ATP2B1: variants seen among roughly 807,000 people sequenced by gnomAD.
ATP2B1 encodes plasma membrane calcium-transporting ATPase 1.
Under a neutral mutation model 124.2 loss-of-function variants are expected in ATP2B1, and 14 were observed. The ratio of observed to expected loss-of-function variants is 0.11; its 90% CI spans 0.07 to 0.18. The LOEUF is 0.18. Among genes scored for constraint, ATP2B1 ranks in the 10% least tolerant of loss-of-function variants. The pLI is 1.00. For synonymous variants in ATP2B1, 449 were observed against 492.4 expected (o/e 0.91, Z 1.17); for missense variants, 763 against 1,466.1 (o/e 0.52, Z 7.83).
intron 12 of ATP2B1, chr12:89,611,642 T>G (rs1878041532): frequency 3.4e-6 from 1 of 292,872 alleles, no homozygotes; most frequent in African/African-American, 2.2e-5. Context: ...ACAGAAGGCT[T>G]TTTAAAGCAC....
At chr12:89,650,680 A>C (rs959633314) in intron 2 of ATP2B1, among the ~76,000 whole-genome samples, 6 of 152,186 alleles carry the variant, frequency 3.9e-5, no homozygotes, top group Admixed American at 1.3e-4. Flanking sequence ...ATTTTTATGA[A>C]TTCATTTATA....
At chr12:89,657,405 C>A (rs1886093296) in intron 1 of ATP2B1, among the ~76,000 whole-genome samples, 1 of 152,204 alleles carries the variant, frequency 6.6e-6, no homozygotes, top group African/African-American at 2.4e-5. Flanking sequence ...TCTAAACCTA[C>A]AAGATGAAAA....
intron 12 of ATP2B1, among the ~76,000 whole-genome samples, chr12:89,613,486 A>C (rs1301227410): frequency 6.6e-6 from 1 of 152,178 alleles, no homozygotes; most frequent in African/African-American, 2.4e-5. Flanking sequence ...CTTAGGTCCT[A>C]GTGCCAGAGT....
chr12:89,652,623 T>C (rs947500203), intron 2 of ATP2B1, among the ~76,000 whole-genome samples: 1 of 152,266 alleles, frequency 6.6e-6, no homozygotes, highest in South Asian at 2.1e-4. Context: ...GTTTCATTTA[T>C]TACCATTTGT....
chr12:89,651,723 C>T (rs757113090), intron 2 of ATP2B1, among the ~76,000 whole-genome samples: 19 of 152,250 alleles, frequency 1.2e-4, no homozygotes, highest in Non-Finnish European at 2.1e-4. Flanking sequence ...AACTCTTTTA[C>T]AAGCTATGTG....
intron 1 of ATP2B1, among the ~76,000 whole-genome samples, chr12:89,695,806 T>C (rs1221721415): frequency 6.6e-6 from 1 of 152,354 alleles, no homozygotes; most frequent in East Asian, 1.9e-4. Flanking sequence ...GATAGTAAAA[T>C]TCTTGTTTCA....
intron 1 of ATP2B1, among the ~76,000 whole-genome samples, chr12:89,678,679 C>A (rs1326748160): frequency 6.6e-6 from 1 of 152,092 alleles, no homozygotes; most frequent in Non-Finnish European, 1.5e-5. Flanking sequence ...CAAGACTTGC[C>A]TTAAGAAGCA....
chr12:89,610,536 T>C (rs1877795783), intron 13 of ATP2B1, 28 bp from the exon 14 acceptor site: 2 of 1,559,574 alleles, frequency 1.3e-6, no homozygotes, highest in African/African-American at 2.7e-5. Context: ...AGTTAAAATA[T>C]GCCCAAACAT....
chr12:89,680,113 A>G (rs1889152749), intron 1 of ATP2B1, among the ~76,000 whole-genome samples: 1 of 152,198 alleles, frequency 6.6e-6, no homozygotes, highest in Admixed American at 6.5e-5. Context: ...CCAAGGAATA[A>G]AAGAAAATAA....
chr12:89,620,750 T>C (rs1025427642), intron 10 of ATP2B1, among the ~76,000 whole-genome samples: 10 of 152,162 alleles, frequency 6.6e-5, no homozygotes, highest in African/African-American at 2.4e-4. Flanking sequence ...AAATACCACT[T>C]TACATAATTA....
intron 14 of ATP2B1, 135 bp from the exon 15 acceptor site, chr12:89,610,178 G>C: frequency 1.1e-6 from 1 of 885,284 alleles, no homozygotes; most frequent in Non-Finnish European, 1.7e-6. Flanking sequence ...AAATTGCTTA[G>C]ATGTTGGGTG....
chr12:89,708,925 C>G (rs1256421857), upstream of ATP2B1: 1 of 151,798 alleles, frequency 6.6e-6, no homozygotes, highest in Non-Finnish European at 1.5e-5. Context: ...TGGCCGCCCG[C>G]GTCCCCGCAG....
intron 1 of ATP2B1, among the ~76,000 whole-genome samples, chr12:89,677,965 TATATATACACACACAC>T (rs56077026): frequency 0.16 from 17,691 of 112,018 alleles, 2,214 homozygotes; most frequent in Middle Eastern, 0.23. Context: ...TATATATATA[TATATATACACACACAC>T]ACACACACAC....
In ATP2B1 at chr12:89,624,191, A is replaced by G; in HGVS notation, c.1336T>C (p.Ser446Pro). The change falls in exon 9 of 21, where the codon TCA (serine) becomes CCA (proline). Residue 446 changes from serine (S) to proline (P), a missense_variant. Ser to Pro is a moderately conservative substitution (Grantham distance 74). Around this residue, in one of 7 missense-constraint regions of ATP2B1, gnomAD observed 392 missense variants for 776.6 expected, o/e 0.50. Transcript: ENST00000428670. ...AACTATTTTCTACTTACTTTGACTG[A>G]ATAAGCCAGTGAGATCGTGACTGCA... ...PLAVTISLAY[S>P]VKKMMKDNNL... 6.2e-7 allele frequency: 1 copy of G among 1,614,022 alleles called. No homozygotes were observed. The highest frequency in any genetic ancestry group is 8.5e-7 in the Non-Finnish European group (1 of 1,179,906).
chr12:89,637,587 T>C (rs1407442266), intron 3 of ATP2B1, among the ~76,000 whole-genome samples: 2 of 151,946 alleles, frequency 1.3e-5, no homozygotes, highest in Admixed American at 6.6e-5. Flanking sequence ...TCTGTAGAGA[T>C]GGGATCTCGC....
chr12:89,677,013 ACAC>A (rs909097265), intron 1 of ATP2B1, among the ~76,000 whole-genome samples: 9 of 146,586 alleles, frequency 6.1e-5, no homozygotes, highest in South Asian at 2.2e-4. Flanking sequence ...TCAAAAATAA[ACAC>A]CACCACCACC....
intron 2 of ATP2B1, among the ~76,000 whole-genome samples, chr12:89,646,040 C>T (rs771942223): frequency 6.6e-6 from 1 of 151,770 alleles, no homozygotes; most frequent in Non-Finnish European, 1.5e-5. Context: ...GATCAGACAA[C>T]GTACTTAAGG....
chr12:89,621,662 T>C lies in ATP2B1; in HGVS notation c.1474A>G (p.Ile492Val), dbSNP rs746265951. 81 of 1,612,304 alleles carry C rather than the reference T, an allele frequency of 5.0e-5. No individual in the cohort carries two copies. The highest frequency in any genetic ancestry group is 9.3e-5 in the African/African-American group (7 of 74,876). The change falls in exon 10 of 21, where the codon ATA (isoleucine) becomes GTA (valine). Residue 492 changes from isoleucine (I) to valine (V), a missense_variant. Ile to Val is a conservative substitution (Grantham distance 29, BLOSUM62 3). Transcript: ENST00000428670. ...MNRMTVVQAYINEKHYKKVPE... is the reference protein window; with the variant it reads ...MNRMTVVQAYVNEKHYKKVPE... ...ACCTTTTTATAATGTTTTTCATTTA[T>C]GTAAGCTTGAACGACTGTCATTCTG...
intron 1 of ATP2B1, among the ~76,000 whole-genome samples, chr12:89,704,345 T>A (rs1324885347): frequency 2.6e-5 from 4 of 152,130 alleles, no homozygotes; most frequent in African/African-American, 9.7e-5. Context: ...GTTAAGTAAA[T>A]CAAAACACAA....
Sources: allele counts gnomAD v4.1 joint callset (sites outside exome capture counted in the v4.1 genomes callset), GRCh38; gene constraint gnomAD v4.1.1; regional missense constraint gnomAD v4.1.1; transcripts MANE v1.5; gene names NCBI Gene and HGNC (gene_info 2026-07-23, HGNC 2026-07-21).